MID1: variants seen among roughly 807,000 people sequenced by gnomAD.
The protein encoded by MID1 is midline 1.
MID1 carries 7 observed loss-of-function variants against 40.4 expected under a neutral mutation model. The ratio of observed to expected loss-of-function variants is 0.17; its 90% CI spans 0.10 to 0.33. The LOEUF (loss-of-function observed/expected upper bound fraction) is 0.33. MID1 is among the 10% of genes least tolerant of loss of function. The pLI is 1.00. For synonymous variants in MID1, 229 were observed against 221.2 expected, an observed-to-expected ratio of 1.04 and a Z score of -0.31; for missense variants, 367 against 558.5, an observed-to-expected ratio of 0.66 and a Z score of 3.46.
At chrX:10,715,210 G>A in intron 1 of MID1, among the ~76,000 whole-genome samples, 1 of 112,118 alleles carries the variant, frequency 8.9e-6, no homozygotes, top group Non-Finnish European at 1.9e-5. Context: ...AGGACAGTGG[G>A]TGCAGTGCAC....
At chrX:10,597,883 A>T (rs111511397) in intron 1 of MID1, among the ~76,000 whole-genome samples, 2,732 of 111,275 alleles carry the variant, frequency 0.025, 98 homozygotes, top group African/African-American at 0.085. Flanking sequence ...TTTTGTGATA[A>T]CCCCATGGTC....
intron 1 of MID1, among the ~76,000 whole-genome samples, chrX:10,581,587 CTCT>C (rs1250975743): frequency 8.9e-6 from 1 of 111,958 alleles, no homozygotes; most frequent in Non-Finnish European, 1.9e-5. Context: ...CCTCTTCCCA[CTCT>C]TCTTTGAATA....
Position 10,704,136 on chromosome X carries a change from A to C in MID1, c.-186-83717T>G, listed in dbSNP as rs972782238. Reference sequence around the variant, plus strand: ...ATGTTTTAAAACCAATGAATAATGAAGTACTTAGCCCAATCCCTCTCCCTA... The same window carrying C: ...ATGTTTTAAAACCAATGAATAATGACGTACTTAGCCCAATCCCTCTCCCTA... On this transcript the variant is annotated intron_variant, in intron 1 of 10. Transcript: ENST00000380785. 6.2e-5 allele frequency among the ~76,000 whole-genome samples: 7 copies of C among 112,185 alleles called. No individual in the cohort carries two copies. The East Asian group carries it at 2.0e-3, about 31-fold the overall frequency.
At chrX:10,699,371 G>T (rs1393324717) in intron 1 of MID1, among the ~76,000 whole-genome samples, 1 of 112,033 alleles carries the variant, frequency 8.9e-6, no homozygotes, top group East Asian at 2.8e-4. Context: ...CCACCATCTG[G>T]CCTCAGCACT....
chrX:10,825,845 T>C (rs2044212301), intron 1 of MID1, among the ~76,000 whole-genome samples: 1 of 111,747 alleles, frequency 8.9e-6, no homozygotes, highest in Admixed American at 9.5e-5. Context: ...CCCTCCAGGC[T>C]TTACTGCTGA....
chrX:10,728,123 A>C (rs2043408554), intron 1 of MID1, among the ~76,000 whole-genome samples: 1 of 112,138 alleles, frequency 8.9e-6, no homozygotes, highest in Admixed American at 9.5e-5. Flanking sequence ...ATTGTCTCCT[A>C]GAAATAAATA....
intron 1 of MID1, among the ~76,000 whole-genome samples, chrX:10,664,922 A>G (rs2042939796): frequency 8.9e-6 from 1 of 112,326 alleles, no homozygotes; most frequent in East Asian, 2.8e-4. Flanking sequence ...ATATTAATTA[A>G]ACATCTAGAA....
At chrX:10,735,961 T>C (rs887768342) in intron 1 of MID1, among the ~76,000 whole-genome samples, 1 of 112,193 alleles carries the variant, frequency 8.9e-6, no homozygotes, top group Non-Finnish European at 1.9e-5. Context: ...TGAAGGTACA[T>C]TGTCAGAGTG....
chrX:10,810,939 C>T (rs1212623100), intron 1 of MID1, among the ~76,000 whole-genome samples: 1 of 110,879 alleles, frequency 9.0e-6, no homozygotes, highest in Admixed American at 9.7e-5. Context: ...TGATGCCCCT[C>T]TCTACAATTC....
At chrX:10,467,617 T>C in intron 7 of MID1, among the ~76,000 whole-genome samples, 1 of 111,673 alleles carries the variant, frequency 9.0e-6, no homozygotes, top group Non-Finnish European at 1.9e-5. Context: ...TCCTCTCCAC[T>C]CTCCACAGTG....
intron 1 of MID1, among the ~76,000 whole-genome samples, chrX:10,688,799 T>G (rs1248982917): frequency 1.8e-5 from 2 of 111,564 alleles, no homozygotes; most frequent in African/African-American, 6.5e-5. Context: ...ACATATGAAT[T>G]GAGAAAAGAA....
At chrX:10,620,178 A>C (rs1237774959) in intron 1 of MID1, 112 bp downstream of exon 1, 1 of 112,692 alleles carries the variant, frequency 8.9e-6, no homozygotes, top group African/African-American at 3.2e-5. Context: ...CGCCAAACGC[A>C]TCGACTACGG....
At chrX:10,675,281 G>A (rs986936493) in intron 1 of MID1, among the ~76,000 whole-genome samples, 1 of 112,328 alleles carries the variant, frequency 8.9e-6, no homozygotes, top group Non-Finnish European at 1.9e-5. Context: ...ATTTAGCAAT[G>A]CTTCTAGTTT....
chrX:10,525,843 C>G (rs1445930884), intron 2 of MID1, among the ~76,000 whole-genome samples: 1 of 111,669 alleles, frequency 9.0e-6, no homozygotes, highest in Non-Finnish European at 1.9e-5. Flanking sequence ...AGGCTCTTGC[C>G]ACATGTGATG....
rs1928071432 is a variant in MID1 at position 10,447,014 on chromosome X, A to T, written c.*2354T>A. Reference sequence around the variant, plus strand: ...ACATTTTTTAGACTTTCAAAAAAAAAATTCACACGGGAATCTTTTCTACAT... The same window carrying T: ...ACATTTTTTAGACTTTCAAAAAAAATATTCACACGGGAATCTTTTCTACAT... On this transcript the variant is annotated 3_prime_UTR_variant, in exon 10 of 10. Transcript: ENST00000317552. 1 of 112,023 alleles carries T rather than the reference A, an allele frequency of 8.9e-6. No individual in the cohort carries two copies. Among genetic ancestry groups the T allele is most frequent in the African/African-American group, 3.3e-5 (1 of 30,730 alleles). The allele number at this position is 112,023 out of a possible 1,213,427, so 9.2% of individuals were successfully genotyped here.
At chrX:10,455,549 GGAAT>G (rs1233864821) in intron 8 of MID1, among the ~76,000 whole-genome samples, 1 of 111,714 alleles carries the variant, frequency 9.0e-6, no homozygotes, top group East Asian at 2.8e-4. Context: ...CTGAAAAGGA[GGAAT>G]GAATGAAGAC....
intron 1 of MID1, among the ~76,000 whole-genome samples, chrX:10,654,680 C>T (rs1011574148): frequency 1.2e-4 from 14 of 112,116 alleles, no homozygotes; most frequent in African/African-American, 4.2e-4. Flanking sequence ...AGACTGGGAC[C>T]GGTACTAGTC....
At chrX:10,720,193 C>T (rs899207758) in intron 1 of MID1, among the ~76,000 whole-genome samples, 7 of 111,781 alleles carry the variant, frequency 6.3e-5, no homozygotes, top group Non-Finnish European at 1.3e-4. Context: ...CGAAAATTGA[C>T]AAATGGGATC....
chrX:10,727,408 T>C (rs185452108), intron 1 of MID1, among the ~76,000 whole-genome samples: 4 of 113,111 alleles, frequency 3.5e-5, no homozygotes, highest in African/African-American at 1.3e-4. Flanking sequence ...CGTGAGCCAC[T>C]GTGCCCAGCC....
Sources: gnomAD v4.1 joint callset for allele counts (sites outside exome capture counted in the v4.1 genomes callset) on GRCh38, gnomAD v4.1.1 for gene constraint, MANE v1.5 for transcripts, NCBI Gene and HGNC (gene_info 2026-07-23, HGNC 2026-07-21) for gene names.